MAP2K6: variants seen among roughly 807,000 people sequenced by gnomAD.
MAP2K6 encodes the protein mitogen-activated protein kinase kinase 6.
Under a neutral mutation model 53.7 loss-of-function variants are expected in MAP2K6, and 16 were observed. The ratio of observed to expected loss-of-function variants is 0.30; its 90% CI spans 0.20 to 0.45. MAP2K6 has a LOEUF of 0.45. Among genes scored for constraint, MAP2K6 ranks in the 20% least tolerant of loss-of-function variants. The probability of loss-of-function intolerance (pLI) is 1.00; values close to 1 mark genes in which losing one functional copy is unlikely to be tolerated. For missense variants in MAP2K6, 204 were observed against 411.9 expected, an observed-to-expected ratio of 0.50 and a Z score of 4.37; for synonymous variants, 132 against 143.1, an observed-to-expected ratio of 0.92 and a Z score of 0.55.
rs1911994965 is a variant in MAP2K6 at position 69,549,111 on chromosome 17, G to A, written c.*7358G>A. On this transcript the variant is annotated 3_prime_UTR_variant, in exon 12 of 12. Coordinates refer to ENST00000590474, the MANE Select transcript of MAP2K6 (RefSeq NM_002758.4). Reference sequence around the variant, plus strand: ...TCACTTGTATTATCATTTGAACTTGGACATTGAGCCCTTTATTTTTGGGAG... The same window carrying A: ...TCACTTGTATTATCATTTGAACTTGAACATTGAGCCCTTTATTTTTGGGAG... The A allele has an allele frequency of 6.6e-6, 1 of 152,118 alleles. No individual in the cohort carries two copies. The highest frequency in any genetic ancestry group is 1.5e-5 in the Non-Finnish European group (1 of 67,992). The allele number at this position is 152,118 out of a possible 1,614,324, so 9.4% of individuals were successfully genotyped here.
At chr17:69,516,299 C>T (rs78303464) in intron 2 of MAP2K6, among the ~76,000 whole-genome samples, 5,246 of 151,814 alleles carry the variant, frequency 0.035, 262 homozygotes, top group African/African-American at 0.1. Context: ...CAACATATAT[C>T]CCTTGTATAC....
intron 7 of MAP2K6, chr17:69,521,400 A>T: frequency 3.2e-6 from 1 of 308,398 alleles, no homozygotes; most frequent in East Asian, 5.4e-5. Context: ...ATAAAAATTG[A>T]TCTTGTATTG....
Position 69,544,203 on chromosome 17 carries a change from A to G in MAP2K6, c.*2450A>G, listed in dbSNP as rs751674347. ...TCTTTCCCTGTCCTCATCAGTGGAAATCTCTTTGTCACTCTGAGAGAAGGC... is the reference window on the plus strand; with the variant it reads ...TCTTTCCCTGTCCTCATCAGTGGAAGTCTCTTTGTCACTCTGAGAGAAGGC... On this transcript the variant is annotated 3_prime_UTR_variant, in exon 12 of 12. Coordinates refer to ENST00000590474, the MANE Select transcript of MAP2K6 (RefSeq NM_002758.4). 1 of 152,152 alleles carries G rather than the reference A, an allele frequency of 6.6e-6. No individual in the cohort carries two copies. Among genetic ancestry groups the G allele is most frequent in the Non-Finnish European group, 1.5e-5 (1 of 68,018 alleles). The allele number at this position is 152,152 out of a possible 1,614,324, so 9.4% of individuals were successfully genotyped here. A position where few individuals can be genotyped will look rare whatever the true frequency, so the allele number is the denominator to read the frequency against.
chr17:69,452,203 T>G (rs1029153992), intron 1 of MAP2K6, among the ~76,000 whole-genome samples: 2 of 151,266 alleles, frequency 1.3e-5, no homozygotes, highest in Admixed American at 6.6e-5. Flanking sequence ...AGGGTGTTAC[T>G]GGCATCTAGT....
intron 1 of MAP2K6, among the ~76,000 whole-genome samples, chr17:69,426,831 A>T (rs1906288630): frequency 6.6e-6 from 1 of 152,156 alleles, no homozygotes; most frequent in Non-Finnish European, 1.5e-5. Context: ...TGCCCCAGCA[A>T]AGTATCTGAA....
Position 69,544,390 on chromosome 17 carries a change from T to TGTAA in MAP2K6, c.*2640_*2643dup. On this transcript the variant is annotated 3_prime_UTR_variant, in exon 12 of 12. Transcript: ENST00000590474. ...TGGTTTTGTTTTTGGAAAACTGTGT[T>TGTAA]GTAAGTGCCAATCAACCAACTTTTG... The TGTAA allele has an allele frequency of 6.6e-6, 1 of 152,354 alleles. No homozygotes were observed. Among genetic ancestry groups the TGTAA allele is most frequent in the Middle Eastern group, 3.4e-3 (1 of 294 alleles). The allele number at this position is 152,354 out of a possible 1,614,324, so 9.4% of individuals were successfully genotyped here. A position where few individuals can be genotyped will look rare whatever the true frequency, so the allele number is the denominator to read the frequency against.
In MAP2K6 at chr17:69,495,029, A is replaced by C. The variant is rs542829638; in HGVS notation, c.17-10751A>C. ...TAGAAAAAAAACCAAAAACCAAAAAACAAAACAAAACAAAAACCCAAAATT... is the reference window on the plus strand; with the variant it reads ...TAGAAAAAAAACCAAAAACCAAAAACCAAAACAAAACAAAAACCCAAAATT... On this transcript the variant is annotated intron_variant, in intron 1 of 11. Coordinates refer to ENST00000590474, the MANE Select transcript of MAP2K6 (RefSeq NM_002758.4). Among the ~76,000 whole-genome samples, 152 of 151,756 alleles carry C rather than the reference A, an allele frequency of 1.0e-3. No homozygotes were observed. The Middle Eastern group carries it at 0.014, about 14-fold the overall frequency.
chr17:69,531,316 C>G (rs1386629287), intron 10 of MAP2K6, among the ~76,000 whole-genome samples: 1 of 152,134 alleles, frequency 6.6e-6, no homozygotes, highest in Admixed American at 6.5e-5. Context: ...CTTGTGTATC[C>G]TACCTAAGCA....
chr17:69,461,208 T>C (rs183865591), intron 1 of MAP2K6, among the ~76,000 whole-genome samples: 41 of 152,298 alleles, frequency 2.7e-4, no homozygotes, highest in Admixed American at 2.7e-3. Flanking sequence ...ACAAGACAGC[T>C]CTTGAAATGA....
chr17:69,490,944 A>G (rs894303127), intron 1 of MAP2K6, among the ~76,000 whole-genome samples: 7 of 151,070 alleles, frequency 4.6e-5, no homozygotes, highest in Non-Finnish European at 8.8e-5. Context: ...TTTAGTTCTC[A>G]TTTATATAAG....
chr17:69,514,195 C>T (rs970484273), intron 2 of MAP2K6, among the ~76,000 whole-genome samples: 4 of 151,968 alleles, frequency 2.6e-5, no homozygotes, highest in Admixed American at 6.6e-5. Context: ...TCATATTTGC[C>T]TTTATTTCAA....
intron 1 of MAP2K6, among the ~76,000 whole-genome samples, chr17:69,491,530 T>C (rs996887299): frequency 2.0e-5 from 3 of 152,156 alleles, no homozygotes; most frequent in African/African-American, 7.2e-5. Flanking sequence ...AGTGAACATA[T>C]ATGTGTATGT....
intron 10 of MAP2K6, among the ~76,000 whole-genome samples, chr17:69,527,292 T>C (rs1910826810): frequency 6.6e-6 from 1 of 152,212 alleles, no homozygotes; most frequent in Non-Finnish European, 1.5e-5. Context: ...CCCAGAAGTC[T>C]TGTAGAACCT....
intron 1 of MAP2K6, among the ~76,000 whole-genome samples, chr17:69,503,321 C>T (rs1486181800): frequency 6.6e-6 from 1 of 152,126 alleles, no homozygotes; most frequent in African/African-American, 2.4e-5. Context: ...GGAATTAGGC[C>T]ATATATCTAT....
rs1398844926 is a variant in MAP2K6, at chr17:69,494,490, T to A, written c.17-11290T>A. 1.3e-5 allele frequency among the ~76,000 whole-genome samples: 2 copies of A among 150,160 alleles called. No homozygotes were observed. The highest frequency in any genetic ancestry group is 3.0e-5 in the Non-Finnish European group (2 of 67,622). On this transcript the variant is annotated intron_variant, in intron 1 of 11. Coordinates refer to ENST00000590474, the MANE Select transcript of MAP2K6 (RefSeq NM_002758.4). This position sits in a 1 kb window ranked among gnomAD's most constrained non-coding sequence, Gnocchi z 4.2. ...TCCAGCCTGGGTGACAAAGTGAGAC[T>A]CTGTCTTTAAAAAAAAAAAGAAAGG...
rs940701284 is a variant in MAP2K6 at position 69,494,607 on chromosome 17, C to A, written c.17-11173C>A. 1.3e-5 allele frequency among the ~76,000 whole-genome samples: 2 copies of A among 152,088 alleles called. No individual in the cohort carries two copies. Among genetic ancestry groups the A allele is most frequent in the East Asian group, 1.9e-4 (1 of 5,194 alleles). On this transcript the variant is annotated intron_variant, in intron 1 of 11. Coordinates refer to ENST00000590474, the MANE Select transcript of MAP2K6 (RefSeq NM_002758.4). The surrounding 1 kb of genome is among the most constrained non-coding windows in gnomAD (Gnocchi z 4.2). Reference sequence around the variant, plus strand: ...TAGGGGAGGAGTTGCAGATGAAGAACGTTCCTTTGTTTCTTTATTACCCCC... The same window carrying A: ...TAGGGGAGGAGTTGCAGATGAAGAAAGTTCCTTTGTTTCTTTATTACCCCC...
intron 2 of MAP2K6, among the ~76,000 whole-genome samples, chr17:69,509,714 G>A (rs942367944): frequency 2.6e-5 from 4 of 152,104 alleles, no homozygotes; most frequent in Non-Finnish European, 5.9e-5. Flanking sequence ...ATCTTAGAGG[G>A]AAAGCATTTA....
Position 69,551,674 on chromosome 17 carries a change from C to T in MAP2K6, c.*9921C>T, listed in dbSNP as rs1335822332. 1.3e-5 allele frequency: 2 copies of T among 152,104 alleles called. No homozygotes were observed. Among genetic ancestry groups the T allele is most frequent in the Non-Finnish European group, 2.9e-5 (2 of 68,004 alleles). The allele number at this position is 152,104 out of a possible 1,614,324, so 9.4% of individuals were successfully genotyped here. ...CTCTGTGTTTGATTTATTCTTTAGT[C>T]TCAAATTTATTTTCTGAGTGGACTG... On this transcript the variant is annotated 3_prime_UTR_variant, in exon 12 of 12. Transcript: ENST00000590474.
intron 1 of MAP2K6, among the ~76,000 whole-genome samples, chr17:69,504,056 G>A (rs370514241): frequency 1.5e-4 from 23 of 152,256 alleles, no homozygotes; most frequent in African/African-American, 5.5e-4. Flanking sequence ...GGTGTCAGGA[G>A]ACCTGGATTC....
Sources: gnomAD v4.1 joint callset for allele counts (sites outside exome capture counted in the v4.1 genomes callset) on GRCh38, gnomAD v4.1.1 for gene constraint, Gnocchi (gnomAD v3.1) non-coding constraint, MANE v1.5 for transcripts, NCBI Gene and HGNC (gene_info 2026-07-23, HGNC 2026-07-21) for gene names.